Variants in TEX11 observed in about 807,000 individuals in gnomAD.
The protein encoded by TEX11 is testis-expressed protein 11.
TEX11 carries 7 observed loss-of-function variants against 84.4 expected under a neutral mutation model. The observed-to-expected ratio is 0.08, with a 90% CI of 0.05 to 0.16. The LOEUF is 0.16. TEX11 is among the 10% of genes least tolerant of loss of function. TEX11 has a pLI of 1.00. For synonymous variants in TEX11, 264 were observed against 222.8 expected, an observed-to-expected ratio of 1.18 and a Z score of -1.64; for missense variants, 551 against 660.5, an observed-to-expected ratio of 0.83 and a Z score of 1.82.
chrX:70,610,490 G>A lies in TEX11; in HGVS notation c.1792+13C>T, dbSNP rs763404829. 2 of 1,199,697 alleles carry A rather than the reference G, an allele frequency of 1.7e-6. No individual in the cohort carries two copies. The highest frequency in any genetic ancestry group is 1.8e-5 in the South Asian group (1 of 55,458). ...CAAGATGAAGGACTGAATATAACCA[G>A]GGAGATATTTACCTCTATTCAGGCA... On this transcript the variant is annotated intron_variant, in intron 21 of 29. Coordinates refer to ENST00000374333, the MANE Select transcript of TEX11 (RefSeq NM_031276.3).
In TEX11 at chrX:70,749,005, C is replaced by G. The variant is rs1475303667; in HGVS notation, c.693-4786G>C. ...GGATGGCATTGAATCTGTAAATTAC[C>G]TTGGGCAGTATGGCCATTTTCACGA... On this transcript the variant is annotated intron_variant, in intron 9 of 29. Transcript: ENST00000374333. 2.9e-5 allele frequency among the ~76,000 whole-genome samples: 3 copies of G among 104,060 alleles called. No homozygotes were observed. The South Asian group carries it at 1.4e-3, about 48-fold the overall frequency. 90.4% of individuals were successfully genotyped at this position (104,060 alleles called of 115,157 possible). A position where few individuals can be genotyped will look rare whatever the true frequency, so the allele number is the denominator to read the frequency against.
chrX:70,640,524 G>A (rs1193984550), intron 17 of TEX11, among the ~76,000 whole-genome samples: 1 of 110,953 alleles, frequency 9.0e-6, no homozygotes, highest in African/African-American at 3.3e-5. Flanking sequence ...AGAGAGAAAC[G>A]TCAGGTTACC....
Position 70,901,718 on chromosome X carries a change from A to G in TEX11, c.37+6035T>C, listed in dbSNP as rs760418948. On this transcript the variant is annotated intron_variant, in intron 2 of 29. Coordinates refer to ENST00000374333, the MANE Select transcript of TEX11 (RefSeq NM_031276.3). ...CCTGCTGTGCAGCCAGGTTCCTAAC[A>G]GGCCAGAGACAGGTAATGGTCCGTG... 2.4e-4 allele frequency among the ~76,000 whole-genome samples: 27 copies of G among 111,876 alleles called. No homozygotes were observed. The Admixed American group carries it at 2.5e-3, about 10-fold the overall frequency.
intron 8 of TEX11, among the ~76,000 whole-genome samples, chrX:70,808,520 T>C (rs1211746582): frequency 9.3e-6 from 1 of 107,416 alleles, no homozygotes; most frequent in Non-Finnish European, 1.9e-5. Context: ...TAATAATTAT[T>C]ATTATTATAT....
chrX:70,602,485 T>C (rs1430913567), intron 24 of TEX11, among the ~76,000 whole-genome samples: 20 of 104,567 alleles, frequency 1.9e-4, no homozygotes, highest in Non-Finnish European at 3.1e-4. Flanking sequence ...GAAAAGGCCT[T>C]TGACAAAATT....
the TEX11 span, among the ~76,000 whole-genome samples, chrX:70,517,004 G>C: frequency 2.7e-4 from 30 of 111,853 alleles, 1 homozygote; most frequent in African/African-American, 9.8e-4. Context: ...TTGCTTATCA[G>C]CTTAAGGAGA....
At chrX:70,528,873 A>G (rs1032067180), downstream of TEX11, 1 of 406,495 alleles carries the variant, frequency 2.5e-6, no homozygotes, top group Non-Finnish European at 4.3e-6. Context: ...CACATGGTCT[A>G]TTTCAATATC....
intron 8 of TEX11, among the ~76,000 whole-genome samples, chrX:70,827,985 T>C (rs1242686701): frequency 1.8e-5 from 2 of 111,614 alleles, no homozygotes; most frequent in Admixed American, 9.5e-5. Flanking sequence ...TGCCTGGTAA[T>C]CCAGAGAATT....
chrX:70,658,310 G>A (rs1436133270), intron 16 of TEX11, among the ~76,000 whole-genome samples: 1 of 110,703 alleles, frequency 9.0e-6, no homozygotes, highest in African/African-American at 3.3e-5. Flanking sequence ...CCAGCTACTC[G>A]GGAGGCTGAG....
intron 17 of TEX11, among the ~76,000 whole-genome samples, chrX:70,649,150 C>A (rs1448996857): frequency 5.4e-5 from 6 of 111,960 alleles, no homozygotes; most frequent in Non-Finnish European, 9.4e-5. Flanking sequence ...CATGTCTTTG[C>A]TATTGTGAAT....
At position 70,629,604 on chromosome X, in the gene TEX11, G is replaced by A. The variant is rs750508936; in HGVS notation, c.1608+7C>T. 12 of 1,207,075 alleles carry A rather than the reference G, an allele frequency of 9.9e-6. No individual in the cohort carries two copies. In the South Asian group the frequency reaches 2.1e-4, roughly 22 times the overall value. ...AAAAATCTAGTAGATGAATACATAT[G>A]AATTACCTCTAGAGCAAACTGGGCA... On this transcript the variant is annotated splice_region_variant and intron_variant, in intron 18 of 29. Transcript: ENST00000374333.
intron 9 of TEX11, among the ~76,000 whole-genome samples, chrX:70,759,729 C>T (rs1307913110): frequency 3.6e-5 from 4 of 111,671 alleles, no homozygotes; most frequent in Non-Finnish European, 7.5e-5. Flanking sequence ...TCTCTCACCA[C>T]TCCTATTCAA....
At chrX:70,887,278 C>T (rs773947733) in intron 2 of TEX11, among the ~76,000 whole-genome samples, 1 of 111,917 alleles carries the variant, frequency 8.9e-6, no homozygotes, top group Admixed American at 9.5e-5. Context: ...TCTTGGGGTC[C>T]AGGATTCCAG....
chrX:70,516,392 T>G, the TEX11 span, among the ~76,000 whole-genome samples: 740 of 111,840 alleles, frequency 6.6e-3, 26 homozygotes, highest in East Asian at 0.12. Flanking sequence ...TTTCCCCATT[T>G]CTTGTTTTTG....
intron 13 of TEX11, among the ~76,000 whole-genome samples, chrX:70,698,078 G>A (rs1167136481): frequency 1.8e-5 from 2 of 110,653 alleles, no homozygotes; most frequent in Non-Finnish European, 3.8e-5. Context: ...CACTTATGGG[G>A]TACATACAAT....
chrX:70,585,072 T>C, intron 25 of TEX11, among the ~76,000 whole-genome samples: 1 of 111,300 alleles, frequency 9.0e-6, no homozygotes, highest in Non-Finnish European at 1.9e-5. Flanking sequence ...ACAAAAGGCA[T>C]CCAAAGTAAA....
chrX:70,636,436 G>A (rs2089574765), intron 17 of TEX11, among the ~76,000 whole-genome samples: 1 of 110,707 alleles, frequency 9.0e-6, no homozygotes, highest in African/African-American at 3.3e-5. Context: ...AGCCCCCATG[G>A]ACTGAGGCTC....
the TEX11 span, among the ~76,000 whole-genome samples, chrX:70,519,365 CT>C: frequency 8.9e-6 from 1 of 111,876 alleles, no homozygotes; most frequent in Non-Finnish European, 1.9e-5. Flanking sequence ...TTCTCTTTCA[CT>C]TATGAAGCTT....
At chrX:70,642,262 T>C (rs896211789) in intron 17 of TEX11, among the ~76,000 whole-genome samples, 5 of 111,918 alleles carry the variant, frequency 4.5e-5, no homozygotes, top group Admixed American at 1.9e-4. Context: ...GGATCTGATA[T>C]TGTGGCAATA....
Sources: gnomAD v4.1 joint callset for allele counts (sites outside exome capture counted in the v4.1 genomes callset) on GRCh38, gnomAD v4.1.1 for gene constraint, MANE v1.5 for transcripts, NCBI Gene and HGNC (gene_info 2026-07-23, HGNC 2026-07-21) for gene names.